DPY19L1: variants seen among roughly 807,000 people sequenced by gnomAD.
The protein encoded by DPY19L1 is dpy-19 like C-mannosyltransferase 1.
In DPY19L1, 35 loss-of-function variants were observed where a neutral mutation model predicts 96.9. The ratio of observed to expected loss-of-function variants is 0.36; its 90% CI spans 0.28 to 0.48. The LOEUF (loss-of-function observed/expected upper bound fraction) is 0.48. Ranked by LOEUF, DPY19L1 falls within the 20% of genes least tolerant of loss-of-function variation. DPY19L1 has a pLI of 0.99. For synonymous variants in DPY19L1, 205 were observed against 252.6 expected (o/e 0.81, Z 1.79); for missense variants, 521 against 777.9 (o/e 0.67, Z 3.93).
At position 35,037,235 on chromosome 7, in the gene DPY19L1, C is replaced by T. The variant is rs1786447790; in HGVS notation, c.160G>A (p.Gly54Ser). 1 of 228,982 alleles carries T rather than the reference C, an allele frequency of 4.4e-6. No individual in the cohort carries two copies. The highest frequency in any genetic ancestry group is 8.4e-6 in the Non-Finnish European group (1 of 119,140). 14.2% of individuals were successfully genotyped at this position (228,982 alleles called of 1,614,324 possible). Residue 54 changes from glycine (G) to serine (S), a missense_variant, in exon 1 of 22, where the codon GGC (glycine) becomes AGC (serine). Transcript: ENST00000638088. ...GGCTCGGCGCGGGGCCCCTTCCTGC[C>T]CGCGGCGCCCTTGCGCCCCGGGGAC... ...PLSPGRKGAA[G>S]RKGPRAEPGA...
chr7:35,007,673 TATG>T (rs764836642), intron 6 of DPY19L1, among the ~76,000 whole-genome samples: 2 of 152,110 alleles, frequency 1.3e-5, no homozygotes, highest in Non-Finnish European at 2.9e-5. Flanking sequence ...TAGTGTGGTA[TATG>T]ATATTATTTA....
At chr7:34,944,700 G>C (rs1784104868) in intron 16 of DPY19L1, among the ~76,000 whole-genome samples, 1 of 152,052 alleles carries the variant, frequency 6.6e-6, no homozygotes, top group South Asian at 2.1e-4. Flanking sequence ...TAGATATTTT[G>C]GATGTTTCCA....
chr7:35,032,897 T>C (rs560583515), intron 1 of DPY19L1, among the ~76,000 whole-genome samples: 181 of 152,222 alleles, frequency 1.2e-3, no homozygotes, highest in African/African-American at 4.2e-3. Context: ...TTTCTCTCCA[T>C]CTCCACAGCC....
intron 1 of DPY19L1, among the ~76,000 whole-genome samples, chr7:35,018,854 C>T (rs1013602547): frequency 2.0e-5 from 3 of 151,994 alleles, no homozygotes; most frequent in Admixed American, 1.3e-4. Flanking sequence ...AGACAGAAAC[C>T]ATTAGATGGA....
At chr7:34,993,939 A>G (rs1481512010) in intron 6 of DPY19L1, among the ~76,000 whole-genome samples, 2 of 151,974 alleles carry the variant, frequency 1.3e-5, no homozygotes, top group East Asian at 3.9e-4. Flanking sequence ...GGTGGCGCAC[A>G]ACTGTAGTCC....
chr7:35,030,907 G>A (rs879500758), intron 1 of DPY19L1, among the ~76,000 whole-genome samples: 8 of 152,074 alleles, frequency 5.3e-5, no homozygotes, highest in Non-Finnish European at 8.8e-5. Context: ...AGATATAGAC[G>A]TAATTTTTAC....
intron 7 of DPY19L1, among the ~76,000 whole-genome samples, chr7:34,989,601 A>C (rs1386017133): frequency 2.0e-5 from 3 of 151,382 alleles, no homozygotes; most frequent in Non-Finnish European, 4.4e-5. Context: ...AGACTGGGCA[A>C]CAAAAAAAGA....
upstream of DPY19L1, chr7:35,037,818 C>G (rs1326170648): frequency 1.7e-5 from 21 of 1,227,432 alleles, no homozygotes; most frequent in East Asian, 4.1e-4. Flanking sequence ...CTACCCACAC[C>G]TCTTCGGCGC....
chr7:34,959,911 AT>A (rs797021952), intron 10 of DPY19L1, among the ~76,000 whole-genome samples: 28,089 of 134,284 alleles, frequency 0.21, 4,283 homozygotes, highest in African/African-American at 0.44. Flanking sequence ...ATATATATAT[AT>A]ATATATATAT....
intron 21 of DPY19L1, among the ~76,000 whole-genome samples, chr7:34,937,265 T>G (rs746470517): frequency 2.6e-5 from 4 of 152,208 alleles, no homozygotes; most frequent in Non-Finnish European, 4.4e-5. Flanking sequence ...CCCATTCAAG[T>G]AAGATGTGAA....
chr7:35,015,025 G>T (rs1397519712), intron 3 of DPY19L1, among the ~76,000 whole-genome samples: 2 of 152,106 alleles, frequency 1.3e-5, no homozygotes, highest in Non-Finnish European at 2.9e-5. Flanking sequence ...CAAGATGCCC[G>T]TCAACACCTT....
chr7:34,942,173 G>T (rs1326265901), intron 17 of DPY19L1, among the ~76,000 whole-genome samples: 1 of 152,126 alleles, frequency 6.6e-6, no homozygotes, highest in African/African-American at 2.4e-5. Context: ...ATCAGACCAA[G>T]AAAAGACAGT....
intron 10 of DPY19L1, among the ~76,000 whole-genome samples, chr7:34,965,586 C>T (rs1160058491): frequency 6.6e-6 from 1 of 152,062 alleles, no homozygotes; most frequent in Non-Finnish European, 1.5e-5. Flanking sequence ...GTTCTATTAT[C>T]CATTTGGAGA....
At position 34,940,288 on chromosome 7, in the gene DPY19L1, T is replaced by C. The variant is rs773394700; in HGVS notation, c.1729A>G (p.Ile577Val). 2 of 1,611,404 alleles carry C rather than the reference T, an allele frequency of 1.2e-6. No individual in the cohort carries two copies. The highest frequency in any genetic ancestry group is 1.1e-5 in the South Asian group (1 of 90,622). ...ATTGCTGCTAATATAGCAAACACAA[T>C]AGCACCAGGATGTACTTTGCAAAAG... ...WLFCKVHPGAIVFAILAAMSI... is the reference protein window; with the variant it reads ...WLFCKVHPGAVVFAILAAMSI... The change falls in exon 19 of 22, where the codon ATT (isoleucine) becomes GTT (valine). Residue 577 changes from isoleucine to valine, a missense_variant. Ile to Val is a conservative substitution (Grantham distance 29, BLOSUM62 3). Coordinates refer to ENST00000638088, the MANE Select transcript of DPY19L1 (RefSeq NM_001366673.1).
rs558305204 is a variant in DPY19L1 at position 35,018,064 on chromosome 7, C to G, written c.324-95G>C. 1,263 of 836,422 alleles carry G rather than the reference C, an allele frequency of 1.5e-3. 2 individuals carry two copies. The highest frequency in any genetic ancestry group is 3.1e-3 in the Middle Eastern group (10 of 3,210). The allele number at this position is 836,422 out of a possible 1,614,324, so 51.8% of individuals were successfully genotyped here. On this transcript the variant is annotated intron_variant, in intron 2 of 21. Coordinates refer to ENST00000638088, the MANE Select transcript of DPY19L1 (RefSeq NM_001366673.1). ...AAGCAAAAATAAAAGTATCAGTTAA[C>G]TTGCAGATAATTTTGTAATAACACT...
In DPY19L1 at chr7:34,957,948, T is replaced by G. The variant is rs568430109; in HGVS notation, c.1179+36A>C. On this transcript the variant is annotated intron_variant, in intron 11 of 21. Coordinates refer to ENST00000638088, the MANE Select transcript of DPY19L1 (RefSeq NM_001366673.1). ...AGAAAAAATTGTTAAACCATTAGTT[T>G]CAAAAACAGCCATATAAGTGTTAAG... 25 of 1,397,950 alleles carry G rather than the reference T, an allele frequency of 1.8e-5. No individual in the cohort carries two copies. The South Asian group carries it at 3.0e-4, about 17-fold the overall frequency. The allele number at this position is 1,397,950 out of a possible 1,614,324, so 86.6% of individuals were successfully genotyped here.
intron 8 of DPY19L1, among the ~76,000 whole-genome samples, 174 bp downstream of exon 8, chr7:34,973,340 C>T (rs1287486580): frequency 6.6e-6 from 1 of 152,070 alleles, no homozygotes; most frequent in African/African-American, 2.4e-5. Context: ...GAACAGAAGG[C>T]TGATAGAAGA....
At position 35,037,423 on chromosome 7, in the gene DPY19L1, C is replaced by T. The variant is rs908563938; in HGVS notation, c.-29G>A. 1.9e-5 allele frequency: 6 copies of T among 323,212 alleles called. No individual in the cohort carries two copies. The highest frequency in any genetic ancestry group is 1.1e-4 in the African/African-American group (5 of 45,422). The allele number at this position is 323,212 out of a possible 1,614,324, so 20.0% of individuals were successfully genotyped here. On this transcript the variant is annotated 5_prime_UTR_variant, in exon 1 of 22. Transcript: ENST00000638088. Reference sequence around the variant, plus strand: ...GGCATAGTCGCGCCCGCTCGCTGCGCGCGCCCGGACGGCGGCCAGAGAACG... The same window carrying T: ...GGCATAGTCGCGCCCGCTCGCTGCGTGCGCCCGGACGGCGGCCAGAGAACG...
At chr7:35,037,908 TG>T, upstream of DPY19L1, 1 of 1,238,414 alleles carries the variant, frequency 8.1e-7, no homozygotes, top group Non-Finnish European at 1.0e-6. Context: ...GTGGGAGTGA[TG>T]GGGCCGAAGG....
Sources: allele counts gnomAD v4.1 joint callset (sites outside exome capture counted in the v4.1 genomes callset), GRCh38; gene constraint gnomAD v4.1.1; transcripts MANE v1.5; gene names NCBI Gene and HGNC (gene_info 2026-07-23, HGNC 2026-07-21).